RAD51B: variants seen among roughly 807,000 people sequenced by gnomAD.
The protein encoded by RAD51B is DNA repair protein RAD51 homolog 2.
RAD51B carries 38 observed loss-of-function variants against 42.2 expected under a neutral mutation model. The observed-to-expected ratio is 0.90, with a 90% CI of 0.70 to 1.18. The LOEUF (loss-of-function observed/expected upper bound fraction) is 1.18. Ranked by LOEUF, RAD51B falls within the 50% of genes most tolerant of loss-of-function variation. The probability of loss-of-function intolerance (pLI) is 0.00; values close to 1 mark genes in which losing one functional copy is unlikely to be tolerated. For synonymous variants in RAD51B, 154 were observed against 145.2 expected, an observed-to-expected ratio of 1.06 and a Z score of -0.43; for missense variants, 373 against 400.7, an observed-to-expected ratio of 0.93 and a Z score of 0.59.
chr14:68,151,837 T>C (rs2078392391), intron 7 of RAD51B, among the ~76,000 whole-genome samples: 7 of 87,330 alleles, frequency 8.0e-5, no homozygotes, highest in African/African-American at 6.1e-4. Flanking sequence ...TTTTTTTTTT[T>C]TTTTTTTTTT....
chr14:68,625,221 C>G (rs1892050321), intron 10 of RAD51B, among the ~76,000 whole-genome samples: 1 of 152,164 alleles, frequency 6.6e-6, no homozygotes, highest in East Asian at 1.9e-4. Flanking sequence ...CCCCTACACC[C>G]ATGGTCAGCC....
rs996480237 is a variant in RAD51B, at chr14:68,004,766, C to T, written c.756+117562C>T. ...CACTGTGTGCCCTTTCAGCCACTGC[C>T]TTTTCTGAGGGTGACCACCTACTCC... is the stretch of plus-strand genomic sequence containing the variant. On this transcript the variant is annotated intron_variant, in intron 7 of 10. Coordinates refer to ENST00000471583, the MANE Select transcript of RAD51B (RefSeq NM_133510.4). Among the ~76,000 whole-genome samples the T allele has an allele frequency of 1.2e-4, 18 of 152,232 alleles. 1 individual carries two copies. In the South Asian group the frequency reaches 3.7e-3, roughly 32 times the overall value.
At chr14:68,219,227 T>C (rs1052264557) in intron 7 of RAD51B, among the ~76,000 whole-genome samples, 6 of 152,212 alleles carry the variant, frequency 3.9e-5, no homozygotes, top group Non-Finnish European at 7.3e-5. Flanking sequence ...AGGAAACCGC[T>C]AGGAAATTGG....
intron 10 of RAD51B, among the ~76,000 whole-genome samples, chr14:68,588,393 C>G (rs1258939449): frequency 6.6e-6 from 1 of 152,210 alleles, no homozygotes; most frequent in African/African-American, 2.4e-5. Context: ...CGTCCTCTTG[C>G]TATTTCACTT....
intron 9 of RAD51B, among the ~76,000 whole-genome samples, chr14:68,415,788 T>C (rs1379448074): frequency 6.6e-6 from 1 of 152,186 alleles, no homozygotes; most frequent in Non-Finnish European, 1.5e-5. Flanking sequence ...AATATTCACA[T>C]TTATACAATT....
chr14:67,839,549 T>A (rs1301480527), intron 4 of RAD51B, among the ~76,000 whole-genome samples: 1 of 152,094 alleles, frequency 6.6e-6, no homozygotes, highest in East Asian at 1.9e-4. Flanking sequence ...TTACTTACTT[T>A]GTTTTATTTC....
chr14:68,673,685 ATG>A (rs1468205000), intron 11 of RAD51B, among the ~76,000 whole-genome samples: 1 of 150,002 alleles, frequency 6.7e-6, no homozygotes, highest in Non-Finnish European at 1.5e-5. Context: ...ACATATGTAT[ATG>A]TGCACACACA....
intron 7 of RAD51B, among the ~76,000 whole-genome samples, chr14:67,927,703 A>ATGTGTGTG (rs35189653): frequency 4.4e-5 from 6 of 137,432 alleles, no homozygotes; most frequent in African/African-American, 1.4e-4. Flanking sequence ...ATTTCATTGT[A>ATGTGTGTG]TGTGTGTGTG....
intron 4 of RAD51B, among the ~76,000 whole-genome samples, chr14:67,852,631 T>C (rs77508404): frequency 0.023 from 3,435 of 152,270 alleles, 57 homozygotes; most frequent in East Asian, 0.052. Flanking sequence ...TTCTGCAGTA[T>C]TCTATTAGTC....
chr14:68,338,522 C>G (rs562580687), intron 8 of RAD51B, among the ~76,000 whole-genome samples: 1 of 152,218 alleles, frequency 6.6e-6, no homozygotes, highest in Non-Finnish European at 1.5e-5. Flanking sequence ...ATCAGTCTGG[C>G]ACAGGTGATA....
chr14:67,936,165 T>G (rs2044939329), intron 7 of RAD51B, among the ~76,000 whole-genome samples: 1 of 152,174 alleles, frequency 6.6e-6, no homozygotes. Context: ...ATTGACAGAT[T>G]GTGCAACGAT....
chr14:68,137,658 T>C (rs773611771), intron 7 of RAD51B, among the ~76,000 whole-genome samples: 70 of 152,196 alleles, frequency 4.6e-4, no homozygotes, highest in African/African-American at 1.5e-3. Flanking sequence ...ATTTTATTCA[T>C]TGGGGCAAAA....
chr14:68,134,345 C>A (rs182623006), intron 7 of RAD51B, among the ~76,000 whole-genome samples: 1 of 152,232 alleles, frequency 6.6e-6, no homozygotes, highest in East Asian at 1.9e-4. Flanking sequence ...TAACTATTCA[C>A]CCTTTTAAGG....
chr14:68,665,567 G>T (rs1893016043), intron 11 of RAD51B, among the ~76,000 whole-genome samples: 1 of 152,234 alleles, frequency 6.6e-6, no homozygotes, highest in Admixed American at 6.5e-5. Flanking sequence ...GTCAGGAGAA[G>T]AACTCAAGGG....
At chr14:68,042,545 G>A (rs929897321) in intron 7 of RAD51B, among the ~76,000 whole-genome samples, 18 of 152,072 alleles carry the variant, frequency 1.2e-4, no homozygotes, top group African/African-American at 3.6e-4. Flanking sequence ...CTTCAATTTT[G>A]TAATTATTTA....
chr14:68,406,017 T>C (rs982746588), intron 8 of RAD51B, among the ~76,000 whole-genome samples: 1 of 152,122 alleles, frequency 6.6e-6, no homozygotes, highest in Non-Finnish European at 1.5e-5. Context: ...CTAAGCAAGA[T>C]AGAATTAAGG....
intron 6 of RAD51B, chr14:67,886,630 G>C: frequency 4.3e-6 from 1 of 232,372 alleles, no homozygotes; most frequent in East Asian, 6.2e-5. Flanking sequence ...CAGAAATAAG[G>C]TACCATGATC....
chr14:68,393,309 T>C (rs1009587896), intron 8 of RAD51B, among the ~76,000 whole-genome samples: 2 of 152,216 alleles, frequency 1.3e-5, no homozygotes, highest in African/African-American at 4.8e-5. Context: ...TTCTCCAGTT[T>C]CTTCAGTGCA....
intron 7 of RAD51B, among the ~76,000 whole-genome samples, chr14:67,953,499 CT>C (rs1566976073): frequency 6.6e-6 from 1 of 152,008 alleles, no homozygotes; most frequent in Admixed American, 6.6e-5. Context: ...TCCATGAAGA[CT>C]TTTTAGCAAG....
Sources: gnomAD v4.1 joint callset for allele counts (sites outside exome capture counted in the v4.1 genomes callset) on GRCh38, gnomAD v4.1.1 for gene constraint, MANE v1.5 for transcripts, NCBI Gene and HGNC (gene_info 2026-07-23, HGNC 2026-07-21) for gene names.